Variants in PLEKHG3 observed in about 807,000 individuals in gnomAD.
PLEKHG3 encodes pleckstrin homology and RhoGEF domain containing G3.
PLEKHG3 carries 62 observed loss-of-function variants against 94.9 expected under a neutral mutation model. The ratio of observed to expected loss-of-function variants is 0.65; its 90% CI spans 0.53 to 0.81. PLEKHG3 has a LOEUF of 0.81. Among genes scored for constraint, PLEKHG3 ranks in the 30% least tolerant of loss-of-function variants. The pLI is 0.00. For missense variants in PLEKHG3, 1,461 were observed against 1,619.3 expected (o/e 0.90, Z 1.68); for synonymous variants, 614 against 654.0 (o/e 0.94, Z 0.93).
chr14:64,726,556 C>G lies in PLEKHG3; in HGVS notation c.-39-1037C>G, dbSNP rs933765092. 1.3e-5 allele frequency among the ~76,000 whole-genome samples: 2 copies of G among 152,128 alleles called. No individual in the cohort carries two copies. The highest frequency in any genetic ancestry group is 1.3e-4 in the Admixed American group (2 of 15,290). On this transcript the variant is annotated intron_variant, in intron 1 of 16. Coordinates refer to ENST00000247226, the MANE Select transcript of PLEKHG3 (RefSeq NM_001308147.2). The surrounding 1 kb of genome is among the most constrained non-coding windows in gnomAD (Gnocchi z 5.1). ...GTCTGGCCACTCCACCCTTCCATCCCCCGGCTGCTCCAGGTGGGCCTGCCT... is the reference window on the plus strand; with the variant it reads ...GTCTGGCCACTCCACCCTTCCATCCGCCGGCTGCTCCAGGTGGGCCTGCCT...
At chr14:64,734,712 CCCTTCCTTCCTTCCTTCTTTCCTT>C (rs2139388185) in intron 12 of PLEKHG3, among the ~76,000 whole-genome samples, 1 of 141,486 alleles carries the variant, frequency 7.1e-6, no homozygotes, top group Admixed American at 7.2e-5. Context: ...CTCCCTCCCT[CCCTTCCTTCCTTCCTTCTTTCCTT>C]CCTTCCTTCC....
At position 64,721,139 on chromosome 14, in the gene PLEKHG3, G is replaced by T. The variant is rs111499847; in HGVS notation, c.-39-6454G>T. On this transcript the variant is annotated intron_variant, in intron 1 of 16. Coordinates refer to ENST00000247226, the MANE Select transcript of PLEKHG3 (RefSeq NM_001308147.2). This position sits in a 1 kb window ranked among gnomAD's most constrained non-coding sequence, Gnocchi z 4.3. ...CAGGCTGTAGATATCCTTGGGTGGG[G>T]GCATTATTCAGCTTACACTAGTGTG... Among the ~76,000 whole-genome samples, 1 of 152,204 alleles carries T rather than the reference G, an allele frequency of 6.6e-6. No homozygotes were observed. Among genetic ancestry groups the T allele is most frequent in the African/African-American group, 2.4e-5 (1 of 41,448 alleles).
chr14:64,741,033 C>T lies in PLEKHG3; in HGVS notation c.1519-3C>T, dbSNP rs749203438. 5 of 1,567,878 alleles carry T rather than the reference C, an allele frequency of 3.2e-6. No individual in the cohort carries two copies. The South Asian group carries it at 4.7e-5, about 15-fold the overall frequency. Reference sequence around the variant, plus strand: ...CATGTGAGCCTTTTCTGCTATGTTTCAGGTTGAGCCGGACCCTGAGGCTGG... The same window carrying T: ...CATGTGAGCCTTTTCTGCTATGTTTTAGGTTGAGCCGGACCCTGAGGCTGG... On this transcript the variant is annotated splice_polypyrimidine_tract_variant and splice_region_variant and intron_variant, in intron 15 of 16. Transcript: ENST00000247226.
In PLEKHG3 at chr14:64,727,609, C is replaced by T. The variant is rs1400544214; in HGVS notation, c.-23C>T. 1.4e-6 allele frequency: 2 copies of T among 1,438,076 alleles called. No individual in the cohort carries two copies. The highest frequency in any genetic ancestry group is 2.0e-6 in the Non-Finnish European group (2 of 1,023,290). The allele number at this position is 1,438,076 out of a possible 1,614,324, so 89.1% of individuals were successfully genotyped here. The stretch of plus-strand genomic sequence containing the variant: ...TTGTTGCAGAATCTCCCTGGGGTGC[C>T]CTCCCCAGGCAGCAATGCCAGGATG... On this transcript the variant is annotated 5_prime_UTR_variant, in exon 2 of 17. Transcript: ENST00000247226. This position sits in a 1 kb window ranked among gnomAD's most constrained non-coding sequence, Gnocchi z 6.0.
At chr14:64,707,135 C>T (rs1428713803) in intron 1 of PLEKHG3, among the ~76,000 whole-genome samples, 5 of 152,204 alleles carry the variant, frequency 3.3e-5, no homozygotes, top group African/African-American at 1.2e-4. Flanking sequence ...GCTGCAAACC[C>T]GCCCTACTCC....
chr14:64,733,100 C>T (rs1013603742), intron 12 of PLEKHG3, among the ~76,000 whole-genome samples, 199 bp downstream of exon 12: 1 of 152,030 alleles, frequency 6.6e-6, no homozygotes, highest in Non-Finnish European at 1.5e-5. Flanking sequence ...CCTGGGCCCT[C>T]GTTGCCTACC....
rs138796310 is a variant in PLEKHG3 at position 64,710,740 on chromosome 14, G to A, written c.-40+6036G>A. Among the ~76,000 whole-genome samples the A allele has an allele frequency of 4.6e-3, 691 of 151,720 alleles. 7 individuals are homozygous for A. Among genetic ancestry groups the A allele is most frequent in the African/African-American group, 0.016 (663 of 41,428 alleles). On this transcript the variant is annotated intron_variant, in intron 1 of 16. Transcript: ENST00000247226. Reference sequence around the variant, plus strand: ...GCATAGAGGGGGAAAAATGACTACAGTGCAGAGTTGGCAGTGAGAGCAGAC... The same window carrying A: ...GCATAGAGGGGGAAAAATGACTACAATGCAGAGTTGGCAGTGAGAGCAGAC...
In PLEKHG3 at chr14:64,730,728, T is replaced by C; in HGVS notation, c.566+40T>C. 2 of 1,612,666 alleles carry C rather than the reference T, an allele frequency of 1.2e-6. No individual in the cohort carries two copies. The highest frequency in any genetic ancestry group is 1.7e-6 in the Non-Finnish European group (2 of 1,178,706). ...TGAGAGGGAAGGCAGAGCCATTTGG[T>C]GAGTCCAGAGCCCCCCACTTCCTCA... On this transcript the variant is annotated intron_variant, in intron 5 of 16. Coordinates refer to ENST00000247226, the MANE Select transcript of PLEKHG3 (RefSeq NM_001308147.2). This position sits in a 1 kb window ranked among gnomAD's most constrained non-coding sequence, Gnocchi z 5.4.
chr14:64,726,103 T>C lies in PLEKHG3; in HGVS notation c.-39-1490T>C, dbSNP rs2081347521. 6.6e-6 allele frequency among the ~76,000 whole-genome samples: 1 copy of C among 152,042 alleles called. No individual in the cohort carries two copies. The highest frequency in any genetic ancestry group is 6.6e-5 in the Admixed American group (1 of 15,264). On this transcript the variant is annotated intron_variant, in intron 1 of 16. Coordinates refer to ENST00000247226, the MANE Select transcript of PLEKHG3 (RefSeq NM_001308147.2). The surrounding 1 kb of genome is among the most constrained non-coding windows in gnomAD (Gnocchi z 5.1). ...TCTAATTGGAGACCTAAAGATTGGA[T>C]GTAAATTACATAGGTTGGGGGATGG...
At chr14:64,737,440 C>T (rs1013630757) in intron 14 of PLEKHG3, 65 bp downstream of exon 14, 14 of 1,156,414 alleles carry the variant, frequency 1.2e-5, no homozygotes, top group South Asian at 4.6e-5. Flanking sequence ...GGTCAGCCCC[C>T]GGCCCCTTCA....
intron 1 of PLEKHG3, among the ~76,000 whole-genome samples, chr14:64,719,895 A>G (rs1054961322): frequency 6.6e-6 from 1 of 152,150 alleles, no homozygotes; most frequent in Non-Finnish European, 1.5e-5. Context: ...TGACCTCAAG[A>G]TGAGAGAGGT....
intron 1 of PLEKHG3, among the ~76,000 whole-genome samples, chr14:64,713,641 C>G (rs2081092807): frequency 6.6e-6 from 1 of 152,154 alleles, no homozygotes; most frequent in African/African-American, 2.4e-5. Context: ...TACAGTATGT[C>G]TGAATGTGGG....
intron 1 of PLEKHG3, among the ~76,000 whole-genome samples, chr14:64,708,076 G>T (rs543895450): frequency 3.9e-5 from 6 of 152,360 alleles, no homozygotes; most frequent in African/African-American, 1.4e-4. Context: ...TATTGGGCAG[G>T]AGTGGGGAAT....
rs537548507 is a variant in PLEKHG3 at position 64,727,175 on chromosome 14, G to A, written c.-39-418G>A. Among the ~76,000 whole-genome samples, 2 of 152,252 alleles carry A rather than the reference G, an allele frequency of 1.3e-5. No homozygotes were observed. The highest frequency in any genetic ancestry group is 4.1e-4 in the South Asian group (2 of 4,830). On this transcript the variant is annotated intron_variant, in intron 1 of 16. Coordinates refer to ENST00000247226, the MANE Select transcript of PLEKHG3 (RefSeq NM_001308147.2). The surrounding 1 kb of genome is among the most constrained non-coding windows in gnomAD (Gnocchi z 6.0). ...CAGGTGAGGAGCTGAGGCTCTGAGG[G>A]ACTAAGTACTGTGCCCCAGCAGTGG...
Position 64,728,922 on chromosome 14 carries a change from A to G in PLEKHG3, c.352-74A>G. The G allele has an allele frequency of 1.6e-6, 1 of 609,200 alleles. No individual in the cohort carries two copies. 37.7% of individuals were successfully genotyped at this position (609,200 alleles called of 1,614,324 possible). A position where few individuals can be genotyped will look rare whatever the true frequency, so the allele number is the denominator to read the frequency against. On this transcript the variant is annotated intron_variant, in intron 2 of 16. Coordinates refer to ENST00000247226, the MANE Select transcript of PLEKHG3 (RefSeq NM_001308147.2). This position sits in a 1 kb window ranked among gnomAD's most constrained non-coding sequence, Gnocchi z 5.9. ...GAAGTGGTGTTACAGCAGGGCCGAA[A>G]CGAGGTGTGGCTAGGGAAGGTAGTG... is the stretch of plus-strand genomic sequence containing the variant.
In PLEKHG3 at chr14:64,720,667, A is replaced by G. The variant is rs967840600; in HGVS notation, c.-39-6926A>G. On this transcript the variant is annotated intron_variant, in intron 1 of 16. Coordinates refer to ENST00000247226, the MANE Select transcript of PLEKHG3 (RefSeq NM_001308147.2). The surrounding 1 kb of genome is among the most constrained non-coding windows in gnomAD (Gnocchi z 4.1). ...GGGTGTTTCGAGTTCAGAGGAGTAT[A>G]TTACTTCCCTATTGCCACTGTAACA... 6.6e-6 allele frequency among the ~76,000 whole-genome samples: 1 copy of G among 152,196 alleles called. No homozygotes were observed. The highest frequency in any genetic ancestry group is 2.4e-5 in the African/African-American group (1 of 41,448).
chr14:64,722,051 C>T lies in PLEKHG3; in HGVS notation c.-39-5542C>T, dbSNP rs1019226542. On this transcript the variant is annotated intron_variant, in intron 1 of 16. Coordinates refer to ENST00000247226, the MANE Select transcript of PLEKHG3 (RefSeq NM_001308147.2). This position sits in a 1 kb window ranked among gnomAD's most constrained non-coding sequence, Gnocchi z 4.3. ...TCTGGCACCCTTTTTGAAGGGATTC[C>T]GAAAGTGCCGTCTTGGGGATTGTTT... Among the ~76,000 whole-genome samples, 2 of 152,074 alleles carry T rather than the reference C, an allele frequency of 1.3e-5. No individual in the cohort carries two copies. The highest frequency in any genetic ancestry group is 2.9e-5 in the Non-Finnish European group (2 of 68,006).
In PLEKHG3 at chr14:64,731,531, G is replaced by A. The variant is rs2081464517; in HGVS notation, c.1020G>A (p.Lys340=). The part of the protein sequence containing the change: ...TKKRGDHFVY[K]GNIPCSSLML... ...AGCGGGGCGATCACTTTGTCTACAA[G>A]GGCAACATCCCGGTAACCAGGCCCT... Residue 340 remains lysine (K), a synonymous_variant, in exon 8 of 17, where the codon AAG becomes AAA. Transcript: ENST00000247226. The surrounding 1 kb of genome is among the most constrained non-coding windows in gnomAD (Gnocchi z 6.1). 1.2e-6 allele frequency: 2 copies of A among 1,613,814 alleles called. No homozygotes were observed. The highest frequency in any genetic ancestry group is 2.2e-5 in the South Asian group (2 of 91,064).
rs2081150965 is a variant in PLEKHG3 at position 64,716,454 on chromosome 14, ACACACACACACAACAC to A, written c.-39-11138_-39-11123del. 7.3e-6 allele frequency among the ~76,000 whole-genome samples: 1 copy of A among 137,234 alleles called. No individual in the cohort carries two copies. The highest frequency in any genetic ancestry group is 3.0e-5 in the African/African-American group (1 of 33,818). The allele number at this position is 137,234 out of a possible 152,430, so 90.0% of individuals were successfully genotyped here. On this transcript the variant is annotated intron_variant, in intron 1 of 16. Coordinates refer to ENST00000247226, the MANE Select transcript of PLEKHG3 (RefSeq NM_001308147.2). This position sits in a 1 kb window ranked among gnomAD's most constrained non-coding sequence, Gnocchi z 5.0. ...GGGCCCTACACACACACACACACAC[ACACACACACACAACAC>A]ACACACACACAACACACACACACAC...
Sources: gnomAD v4.1 joint callset for allele counts (sites outside exome capture counted in the v4.1 genomes callset) on GRCh38, gnomAD v4.1.1 for gene constraint, Gnocchi (gnomAD v3.1) non-coding constraint, MANE v1.5 for transcripts, NCBI Gene and HGNC (gene_info 2026-07-23, HGNC 2026-07-21) for gene names.